The following DROSHA variants were observed in gnomAD, a reference collection of about 807,000 sequenced individuals.
DROSHA encodes ribonuclease 3.
In DROSHA, 56 loss-of-function variants were observed where a neutral mutation model predicts 181.9. That is an observed-to-expected ratio of 0.31 (90% CI 0.25 to 0.38). The LOEUF (loss-of-function observed/expected upper bound fraction) is 0.38, where lower values mean the gene tolerates loss of function less well. Among genes scored for constraint, DROSHA ranks in the 10% least tolerant of loss-of-function variants. The pLI, the probability that DROSHA is intolerant of heterozygous loss-of-function variation, is 1.00. For missense variants in DROSHA, 1,218 were observed against 1,743.5 expected, an observed-to-expected ratio of 0.70 and a Z score of 5.37; for synonymous variants, 524 against 591.2, an observed-to-expected ratio of 0.89 and a Z score of 1.65.
At chr5:31,491,854 G>A (rs1389957250) in intron 13 of DROSHA, among the ~76,000 whole-genome samples, 1 of 152,218 alleles carries the variant, frequency 6.6e-6, no homozygotes, top group Non-Finnish European at 1.5e-5. Flanking sequence ...GAGTGCAGCA[G>A]CATGATCTCG....
intron 16 of DROSHA, among the ~76,000 whole-genome samples, chr5:31,475,072 C>A (rs1750212113): frequency 6.6e-6 from 1 of 152,328 alleles, no homozygotes; most frequent in East Asian, 1.9e-4. Context: ...AATCCCAGCA[C>A]TTTGAGGGGC....
intron 19 of DROSHA, among the ~76,000 whole-genome samples, 194 bp from the exon 20 acceptor site, chr5:31,464,537 GC>G (rs1268650809): frequency 1.4e-5 from 2 of 147,366 alleles, no homozygotes; most frequent in African/African-American, 5.1e-5. Context: ...GTATAACACA[GC>G]CCAGCCTTTC....
intron 23 of DROSHA, among the ~76,000 whole-genome samples, chr5:31,438,456 G>A (rs770113233): frequency 7.2e-5 from 11 of 152,280 alleles, no homozygotes; most frequent in South Asian, 4.1e-4. Flanking sequence ...GATAGCTGGC[G>A]CTGGGATTTG....
intron 12 of DROSHA, 38 bp from the exon 13 acceptor site, chr5:31,493,331 A>C (rs1752610499): frequency 6.5e-7 from 1 of 1,547,904 alleles, no homozygotes; most frequent in Non-Finnish European, 8.8e-7. Flanking sequence ...AAATTAAATA[A>C]ATGACATGAG....
chr5:31,472,229 C>T lies in DROSHA; in HGVS notation c.2075G>A (p.Gly692Glu), dbSNP rs750302253. The stretch of plus-strand genomic sequence containing the variant: ...GTGCATGGACAGCACTTCCTTTCCT[C>T]CATCTTGGGTGGGAATGGGAGTGGA... ...MPRFVRFLPD[G>E]GKEVLSMHQI... The change falls in exon 17 of 36, where the codon GGA (glycine) becomes GAA (glutamate). Residue 692 changes from glycine to glutamate, a missense_variant. Coordinates refer to ENST00000344624, the MANE Select transcript of DROSHA (RefSeq NM_001382508.1). 1 of 1,605,132 alleles carries T rather than the reference C, an allele frequency of 6.2e-7. No homozygotes were observed. Among genetic ancestry groups the T allele is most frequent in the Admixed American group, 1.7e-5 (1 of 59,098 alleles).
intron 16 of DROSHA, 32 bp from the exon 17 acceptor site, chr5:31,472,264 A>T (rs1749818372): frequency 6.4e-7 from 1 of 1,555,616 alleles, no homozygotes; most frequent in Non-Finnish European, 8.7e-7. Flanking sequence ...AGAGAAGGGG[A>T]AAAATAAGGC....
intron 6 of DROSHA, among the ~76,000 whole-genome samples, chr5:31,517,440 T>TTC (rs1739386108): frequency 6.6e-6 from 1 of 152,176 alleles, no homozygotes; most frequent in Non-Finnish European, 1.5e-5. Flanking sequence ...CAATTTTTAA[T>TTC]TCTCTCTCTC....
At chr5:31,467,738 T>C in intron 18 of DROSHA, 5 of 570,346 alleles carry the variant, frequency 8.8e-6, no homozygotes, top group Non-Finnish European at 1.3e-5. Context: ...GAATAATAGT[T>C]TCTTGCACTC....
At chr5:31,484,359 C>G (rs192790682) in intron 15 of DROSHA, among the ~76,000 whole-genome samples, 2 of 115,222 alleles carry the variant, frequency 1.7e-5, no homozygotes, top group African/African-American at 3.6e-5. Flanking sequence ...CCGGCCTGGG[C>G]GACAGAGCGA....
chr5:31,441,040 T>C (rs1396026459), intron 23 of DROSHA, among the ~76,000 whole-genome samples: 1 of 149,058 alleles, frequency 6.7e-6, no homozygotes, highest in Admixed American at 6.7e-5. Context: ...TAGCCAATAA[T>C]GGGAAATGAA....
chr5:31,464,716 G>A (rs7705843), intron 19 of DROSHA, among the ~76,000 whole-genome samples: 4,056 of 151,782 alleles, frequency 0.027, 174 homozygotes, highest in African/African-American at 0.093. Flanking sequence ...AAGAAAGAAA[G>A]CAAATTAACC....
intron 5 of DROSHA, among the ~76,000 whole-genome samples, chr5:31,523,305 G>T (rs1740113897): frequency 6.6e-6 from 1 of 152,144 alleles, no homozygotes. Context: ...TATAAATAAA[G>T]CCCGTTTTAG....
intron 18 of DROSHA, among the ~76,000 whole-genome samples, chr5:31,466,899 T>C (rs1013349902): frequency 6.6e-6 from 1 of 152,190 alleles, no homozygotes; most frequent in Non-Finnish European, 1.5e-5. Flanking sequence ...GTCTAAAGGA[T>C]ACTGTCAAAG....
At position 31,526,212 on chromosome 5, in the gene DROSHA, C is replaced by G. The variant is rs1458721925; in HGVS notation, c.721G>C (p.Gly241Arg). 1 of 1,613,898 alleles carries G rather than the reference C, an allele frequency of 6.2e-7. No individual in the cohort carries two copies. The highest frequency in any genetic ancestry group is 1.1e-5 in the South Asian group (1 of 91,052). ...HRHRDHSHGR[G>R]ERHRSLDRRE... Reference sequence around the variant, plus strand: ...CGATCCAGGGACCGATGCCTCTCACCTCGCCCATGACTGTGATCTCGGTGC... The same window carrying G: ...CGATCCAGGGACCGATGCCTCTCACGTCGCCCATGACTGTGATCTCGGTGC... Residue 241 changes from glycine (G) to arginine (R), a missense_variant, in exon 5 of 36, where the codon GGT becomes CGT. Physicochemically the swap from Gly to Arg is moderately radical, Grantham distance 125. Coordinates refer to ENST00000344624, the MANE Select transcript of DROSHA (RefSeq NM_001382508.1).
At chr5:31,425,444 C>T (rs919557935) in intron 27 of DROSHA, among the ~76,000 whole-genome samples, 1 of 152,092 alleles carries the variant, frequency 6.6e-6, no homozygotes, top group Non-Finnish European at 1.5e-5. Context: ...CTCGGTAGTG[C>T]AAATTATATT....
chr5:31,526,503 A>C lies in DROSHA; in HGVS notation c.430T>G (p.Phe144Val). 1 of 1,581,890 alleles carries C rather than the reference A, an allele frequency of 6.3e-7. No homozygotes were observed. Among genetic ancestry groups the C allele is most frequent in the Non-Finnish European group, 8.6e-7 (1 of 1,162,090 alleles). The part of the protein sequence containing the change: ...GAPPGQGTFP[F>V]MMPPPSMPHP... ...GGCATGGAGGGAGGGGGCATCATGA[A>C]GGGGAAAGTGCCTTGTCCAGGAGGT... Residue 144 changes from phenylalanine to valine, a missense_variant, in exon 5 of 36, where the codon TTC becomes GTC. By Grantham distance (50) the Phe-to-Val change is conservative. Coordinates refer to ENST00000344624, the MANE Select transcript of DROSHA (RefSeq NM_001382508.1).
rs1744942266 is a variant in DROSHA, at chr5:31,437,125, T to C, written c.2942+114A>G. On this transcript the variant is annotated intron_variant, in intron 24 of 35. Coordinates refer to ENST00000344624, the MANE Select transcript of DROSHA (RefSeq NM_001382508.1). ...TCTAAGCTCTACAAAAGAGATAAAATACACGGTGTATCAATGCCTTATTTG... is the reference window on the plus strand; with the variant it reads ...TCTAAGCTCTACAAAAGAGATAAAACACACGGTGTATCAATGCCTTATTTG... 7 of 1,131,530 alleles carry C rather than the reference T, an allele frequency of 6.2e-6. No individual in the cohort carries two copies. In the East Asian group the frequency reaches 1.8e-4, roughly 29 times the overall value. 70.1% of individuals were successfully genotyped at this position (1,131,530 alleles called of 1,614,324 possible).
intron 9 of DROSHA, among the ~76,000 whole-genome samples, chr5:31,509,680 T>C (rs1438309465): frequency 6.6e-6 from 1 of 152,202 alleles, no homozygotes; most frequent in East Asian, 1.9e-4. Flanking sequence ...GACCAAAGAC[T>C]TGACATTTCT....
chr5:31,460,065 C>A (rs1748232932), intron 20 of DROSHA, among the ~76,000 whole-genome samples: 1 of 152,198 alleles, frequency 6.6e-6, no homozygotes, highest in South Asian at 2.1e-4. Context: ...GTGCCTCCCT[C>A]TACAGAAGAT....
Sources: gnomAD v4.1 joint callset for allele counts (sites outside exome capture counted in the v4.1 genomes callset) on GRCh38, gnomAD v4.1.1 for gene constraint, MANE v1.5 for transcripts, NCBI Gene and HGNC (gene_info 2026-07-23, HGNC 2026-07-21) for gene names.